NXNL2: variants seen among roughly 807,000 people sequenced by gnomAD.
The protein encoded by NXNL2 is nucleoredoxin-like protein 2.
Under a neutral mutation model 11.1 loss-of-function variants are expected in NXNL2, and 7 were observed. The ratio of observed to expected loss-of-function variants is 0.63; its 90% CI spans 0.36 to 1.18. The LOEUF is 1.18. Ranked by LOEUF, NXNL2 falls within the 50% of genes most tolerant of loss-of-function variation. The pLI is 0.02. For missense variants in NXNL2, 233 were observed against 217.7 expected (o/e 1.07, Z -0.44); for synonymous variants, 109 against 101.8 (o/e 1.07, Z -0.42).
Position 88,567,007 on chromosome 9 carries a change from T to TCTAC in NXNL2, c.303-4077_303-4076insCCTA, listed in dbSNP as rs1250400064. ...ATCTATCTATCTATCTATCTATCTATCTATCTATCTATCATCTAATATGTT... is the reference window on the plus strand; with the variant it reads ...ATCTATCTATCTATCTATCTATCTATCTACCTATCTATCTATCATCTAATATGTT... On this transcript the variant is annotated intron_variant, in intron 1 of 2. Transcript: ENST00000375855. Among the ~76,000 whole-genome samples the TCTAC allele has an allele frequency of 8.7e-5, 13 of 149,712 alleles. No homozygotes were observed. The East Asian group carries it at 1.7e-3, about 19-fold the overall frequency.
intron 1 of NXNL2, among the ~76,000 whole-genome samples, chr9:88,569,355 T>C (rs1345661188): frequency 6.6e-6 from 1 of 152,218 alleles, no homozygotes; most frequent in Non-Finnish European, 1.5e-5. Flanking sequence ...CTTCAAACTT[T>C]ATATATAGAA....
chr9:88,571,534 T>C (rs1471077880), intron 2 of NXNL2, among the ~76,000 whole-genome samples: 1 of 152,208 alleles, frequency 6.6e-6, no homozygotes, highest in Non-Finnish European at 1.5e-5. Context: ...TATTTTCCTG[T>C]TGAAATTCTC....
chr9:88,540,098 C>T lies in NXNL2; in HGVS notation c.303-4281C>T, dbSNP rs185219646. ...CTGTAATCCCAGCACTTTGGGAGGCCGAGGCGGGTGGATCACAAAGTCAGG... is the reference window on the plus strand; with the variant it reads ...CTGTAATCCCAGCACTTTGGGAGGCTGAGGCGGGTGGATCACAAAGTCAGG... On this transcript the variant is annotated intron_variant, in intron 1 of 1. Coordinates refer to ENST00000375854, the MANE Select transcript of NXNL2 (RefSeq NM_001161625.2). Among the ~76,000 whole-genome samples the T allele has an allele frequency of 7.8e-3, 1,181 of 151,942 alleles. 16 individuals carry two copies. Among genetic ancestry groups the T allele is most frequent in the South Asian group, 0.021 (99 of 4,818 alleles).
downstream of NXNL2, among the ~76,000 whole-genome samples, chr9:88,545,393 C>T (rs1289119221): frequency 2.6e-5 from 4 of 152,072 alleles, no homozygotes; most frequent in African/African-American, 7.2e-5. Flanking sequence ...GTGAAAATAC[C>T]GATACCCATC....
At chr9:88,536,306 T>C (rs1479954319) in intron 1 of NXNL2, among the ~76,000 whole-genome samples, 1 of 152,198 alleles carries the variant, frequency 6.6e-6, no homozygotes, top group African/African-American at 2.4e-5. Flanking sequence ...ACCCAGGTGC[T>C]GGCCACCTTT....
At chr9:88,580,666 A>G (rs1032648600), downstream of NXNL2, among the ~76,000 whole-genome samples, 11 of 152,286 alleles carry the variant, frequency 7.2e-5, no homozygotes, top group African/African-American at 2.6e-4. Context: ...CACCTCACAT[A>G]ATTATGTTAA....
chr9:88,546,530 C>T (rs1280921206), downstream of NXNL2, among the ~76,000 whole-genome samples: 2 of 151,138 alleles, frequency 1.3e-5, no homozygotes, highest in Non-Finnish European at 2.9e-5. Context: ...ATTCTGTTGC[C>T]TCAGCCTCCC....
At chr9:88,564,285 T>TCTATCTATCATC (rs1554706562) in intron 1 of NXNL2, among the ~76,000 whole-genome samples, 10 of 140,258 alleles carry the variant, frequency 7.1e-5, no homozygotes, top group African/African-American at 2.7e-4. Context: ...TATCTATCTA[T>TCTATCTATCATC]TATCTATCTA....
intron 1 of NXNL2, among the ~76,000 whole-genome samples, chr9:88,556,641 TTTCAGGC>T (rs1317348266): frequency 2.6e-5 from 4 of 152,140 alleles, no homozygotes; most frequent in Non-Finnish European, 4.4e-5. Context: ...GCTGCCTGGT[TTTCAGGC>T]TTCAGGCTGT....
chr9:88,535,363 G>A lies in NXNL2; in HGVS notation c.-72G>A. 1 of 1,411,730 alleles carries A rather than the reference G, an allele frequency of 7.1e-7. No individual in the cohort carries two copies. The highest frequency in any genetic ancestry group is 1.5e-5 in the South Asian group (1 of 68,594). The allele number at this position is 1,411,730 out of a possible 1,614,324, so 87.5% of individuals were successfully genotyped here. The stretch of plus-strand genomic sequence containing the variant: ...ACAGAGGCGGGGCACCGCGGCGCTC[G>A]CCGCCGCCTCCCCGCAGGTGATCAT... On this transcript the variant is annotated 5_prime_UTR_variant, in exon 1 of 2. Coordinates refer to ENST00000375854, the MANE Select transcript of NXNL2 (RefSeq NM_001161625.2).
chr9:88,559,567 T>TC (rs1369485369), intron 1 of NXNL2, among the ~76,000 whole-genome samples: 2 of 152,178 alleles, frequency 1.3e-5, no homozygotes, highest in Admixed American at 1.3e-4. Context: ...CGTAGGCCTG[T>TC]CCCTTGAATG....
chr9:88,549,056 T>C (rs1424074776), downstream of NXNL2, among the ~76,000 whole-genome samples: 1 of 152,220 alleles, frequency 6.6e-6, no homozygotes, highest in East Asian at 1.9e-4. Context: ...ATTTCTATTA[T>C]GATACACAGC....
chr9:88,549,596 A>G (rs78834369), downstream of NXNL2, among the ~76,000 whole-genome samples: 1 of 152,114 alleles, frequency 6.6e-6, no homozygotes, highest in Admixed American at 6.6e-5. Context: ...GAGAGATCCA[A>G]CTACACTGTG....
intron 1 of NXNL2, among the ~76,000 whole-genome samples, chr9:88,555,901 A>T (rs967991465): frequency 2.0e-5 from 3 of 152,210 alleles, no homozygotes; most frequent in African/African-American, 7.2e-5. Context: ...ACAGCCAGTC[A>T]TGCCGGCTGT....
At chr9:88,542,490 G>T (rs190888770) in intron 1 of NXNL2, among the ~76,000 whole-genome samples, 1 of 151,604 alleles carries the variant, frequency 6.6e-6, no homozygotes, top group Admixed American at 6.6e-5. Context: ...GGGTTTCACC[G>T]TGCTGGCCAG....
downstream of NXNL2, among the ~76,000 whole-genome samples, chr9:88,546,946 A>C (rs1374547135): frequency 6.6e-6 from 1 of 152,176 alleles, no homozygotes; most frequent in African/African-American, 2.4e-5. Context: ...TGTCCCCTAA[A>C]GTCACCACCT....
intron 1 of NXNL2, among the ~76,000 whole-genome samples, chr9:88,559,708 C>T (rs773135089): frequency 1.2e-4 from 18 of 152,210 alleles, no homozygotes; most frequent in Non-Finnish European, 2.4e-4. Context: ...TTAAATCCCA[C>T]ACTTCAGAAC....
intron 1 of NXNL2, 69 bp downstream of exon 1, chr9:88,535,805 C>T: frequency 3.0e-6 from 4 of 1,315,550 alleles, no homozygotes; most frequent in Non-Finnish European, 4.1e-6. Flanking sequence ...AGGCCTCCCC[C>T]TCTGCACTGG....
At chr9:88,537,136 T>A (rs1829642152) in intron 1 of NXNL2, among the ~76,000 whole-genome samples, 1 of 152,180 alleles carries the variant, frequency 6.6e-6, no homozygotes, top group Non-Finnish European at 1.5e-5. Flanking sequence ...ATCACGTGGT[T>A]GTTGTCAGGG....
Sources: gnomAD v4.1 joint callset for allele counts (sites outside exome capture counted in the v4.1 genomes callset) on GRCh38, gnomAD v4.1.1 for gene constraint, MANE v1.5 for transcripts, NCBI Gene and HGNC (gene_info 2026-07-23, HGNC 2026-07-21) for gene names.